Variants in PRUNE1 observed in about 807,000 individuals in gnomAD.
PRUNE1 encodes the protein prune exopolyphosphatase 1, also known as exopolyphosphatase PRUNE1.
PRUNE1 carries 25 observed loss-of-function variants against 42.5 expected under a neutral mutation model. The observed-to-expected ratio is 0.59, with a 90% CI of 0.43 to 0.82. The LOEUF is 0.82. Among genes scored for constraint, PRUNE1 ranks in the 40% least tolerant of loss-of-function variants. PRUNE1 has a pLI of 0.00. For missense variants in PRUNE1, 443 were observed against 539.3 expected, an observed-to-expected ratio of 0.82 and a Z score of 1.77; for synonymous variants, 203 against 217.1, an observed-to-expected ratio of 0.93 and a Z score of 0.57.
intron 6 of PRUNE1, among the ~76,000 whole-genome samples, chr1:151,027,627 G>C (rs1447613540): frequency 1.4e-5 from 2 of 146,190 alleles, no homozygotes; most frequent in African/African-American, 2.6e-5. Flanking sequence ...TTGTTGCCAG[G>C]CTAGAGTACA....
In PRUNE1 at chr1:151,028,691, A is replaced by G; in HGVS notation, c.775-95A>G. 4 of 1,320,444 alleles carry G rather than the reference A, an allele frequency of 3.0e-6. No individual in the cohort carries two copies. In the South Asian group the frequency reaches 5.5e-5, roughly 18 times the overall value. 81.8% of individuals were successfully genotyped at this position (1,320,444 alleles called of 1,614,324 possible). ...ACCTGCCTCGGCCTCCCAAAGTGCTAGGATTATAGGCGTAAGCGACCGTGC... is the reference window on the plus strand; with the variant it reads ...ACCTGCCTCGGCCTCCCAAAGTGCTGGGATTATAGGCGTAAGCGACCGTGC... On this transcript the variant is annotated intron_variant, in intron 6 of 7. Coordinates refer to ENST00000271620, the MANE Select transcript of PRUNE1 (RefSeq NM_021222.3).
At chr1:151,009,626 ACT>A (rs1341371069) in intron 1 of PRUNE1, among the ~76,000 whole-genome samples, 1 of 152,068 alleles carries the variant, frequency 6.6e-6, no homozygotes, top group African/African-American at 2.4e-5. Flanking sequence ...GATATCTTAA[ACT>A]CTACAAATTC....
At chr1:151,020,270 G>A (rs111400919) in intron 3 of PRUNE1, among the ~76,000 whole-genome samples, 2,087 of 150,802 alleles carry the variant, frequency 0.014, 53 homozygotes, top group African/African-American at 0.048. Flanking sequence ...TATAAACATA[G>A]TGTGACCTTG....
At chr1:151,018,415 T>A in intron 2 of PRUNE1, 52 bp from the exon 3 acceptor site, 1 of 1,486,258 alleles carries the variant, frequency 6.7e-7, no homozygotes, top group East Asian at 2.3e-5. Flanking sequence ...CTTGTTACTT[T>A]TTCCTGTCAT....
In PRUNE1 at chr1:151,020,028, T is replaced by G. The variant is rs1353295581; in HGVS notation, c.335+1359T>G. Reference sequence around the variant, plus strand: ...TATATTTTTTACTGGAGACAGGGTTTTGCGCTGTTGGCCAGGCTGGCCTGG... The same window carrying G: ...TATATTTTTTACTGGAGACAGGGTTGTGCGCTGTTGGCCAGGCTGGCCTGG... On this transcript the variant is annotated intron_variant, in intron 3 of 7. Transcript: ENST00000271620. 5.4e-5 allele frequency among the ~76,000 whole-genome samples: 8 copies of G among 147,834 alleles called. No individual in the cohort carries two copies. The East Asian group carries it at 1.4e-3, about 27-fold the overall frequency.
chr1:151,032,817 A>G (rs1675317945), intron 7 of PRUNE1, among the ~76,000 whole-genome samples: 1 of 151,974 alleles, frequency 6.6e-6, no homozygotes, highest in Non-Finnish European at 1.5e-5. Context: ...TTTATTGCCC[A>G]GGCTGGAGTG....
chr1:151,027,070 G>A (rs1243268863), intron 5 of PRUNE1, among the ~76,000 whole-genome samples, 163 bp from the exon 6 acceptor site: 1 of 152,018 alleles, frequency 6.6e-6, no homozygotes, highest in Non-Finnish European at 1.5e-5. Flanking sequence ...ACAGGCCTGA[G>A]TCACCGCGCC....
chr1:151,016,872 A>G (rs1000953654), intron 1 of PRUNE1, among the ~76,000 whole-genome samples: 2 of 151,764 alleles, frequency 1.3e-5, no homozygotes, highest in Non-Finnish European at 2.9e-5. Context: ...TAGAAGTGTA[A>G]GCATTCGGCC....
intron 6 of PRUNE1, among the ~76,000 whole-genome samples, chr1:151,027,558 C>T (rs940397178): frequency 7.3e-5 from 11 of 151,466 alleles, no homozygotes; most frequent in Non-Finnish European, 1.2e-4. Flanking sequence ...CCATTCTCCC[C>T]GCAGCAGCCA....
chr1:151,018,009 T>A, intron 2 of PRUNE1, 105 bp downstream of exon 2: 1 of 761,884 alleles, frequency 1.3e-6, no homozygotes, highest in Non-Finnish European at 2.2e-6. Context: ...TTGGGTAAAT[T>A]AAATCCCTTA....
intron 1 of PRUNE1, among the ~76,000 whole-genome samples, chr1:151,011,664 T>G (rs1673775806): frequency 6.6e-6 from 1 of 152,184 alleles, no homozygotes; most frequent in African/African-American, 2.4e-5. Flanking sequence ...AGTGGTTTAC[T>G]TTGCCAGGCC....
chr1:151,029,715 C>T (rs373473578), intron 7 of PRUNE1, among the ~76,000 whole-genome samples: 2 of 151,352 alleles, frequency 1.3e-5, no homozygotes, highest in Middle Eastern at 3.4e-3. Flanking sequence ...AAGACCTCAT[C>T]TCTGTTGGGG....
chr1:151,027,108 C>T, intron 5 of PRUNE1, 125 bp from the exon 6 acceptor site: 1 of 589,780 alleles, frequency 1.7e-6, no homozygotes, highest in Non-Finnish European at 3.0e-6. Context: ...TCAATTATCT[C>T]CCCCATTCAT....
At chr1:151,033,674 G>A in intron 7 of PRUNE1, 132 bp from the exon 8 acceptor site, 1 of 836,012 alleles carries the variant, frequency 1.2e-6, no homozygotes, top group East Asian at 2.5e-5. Flanking sequence ...GCAAGCGTGA[G>A]CCACCGCACC....
chr1:151,012,019 G>C (rs751017548), intron 1 of PRUNE1, among the ~76,000 whole-genome samples: 4 of 151,822 alleles, frequency 2.6e-5, no homozygotes, highest in African/African-American at 4.8e-5. Context: ...CCTCGTGGTC[G>C]GCCCACCTCG....
chr1:151,028,712 C>G, intron 6 of PRUNE1, 74 bp from the exon 7 acceptor site: 2 of 1,506,742 alleles, frequency 1.3e-6, no homozygotes, highest in South Asian at 1.2e-5. Context: ...CGTAAGCGAC[C>G]GTGCCCGGCC....
At chr1:151,032,181 G>A (rs1202082657) in intron 7 of PRUNE1, among the ~76,000 whole-genome samples, 1 of 151,380 alleles carries the variant, frequency 6.6e-6, no homozygotes, top group African/African-American at 2.4e-5. Flanking sequence ...GGAGGCGAAG[G>A]TTGCAGTGAG....
chr1:151,030,615 A>G (rs1404991358), intron 7 of PRUNE1, among the ~76,000 whole-genome samples: 1 of 152,082 alleles, frequency 6.6e-6, no homozygotes, highest in East Asian at 1.9e-4. Flanking sequence ...CTCAGCCTGT[A>G]GCTGGGACTA....
intron 1 of PRUNE1, among the ~76,000 whole-genome samples, chr1:151,016,563 G>A (rs1037298508): frequency 6.6e-6 from 1 of 151,942 alleles, no homozygotes; most frequent in Admixed American, 6.6e-5. Flanking sequence ...GTGCAAAGGC[G>A]CAATCTCGGC....
Sources: allele counts gnomAD v4.1 joint callset (sites outside exome capture counted in the v4.1 genomes callset), GRCh38; gene constraint gnomAD v4.1.1; transcripts MANE v1.5; gene names NCBI Gene and HGNC (gene_info 2026-07-23, HGNC 2026-07-21).